The following ASB5 variants were observed in gnomAD, a reference collection of about 807,000 sequenced individuals.
ASB5 encodes ankyrin repeat and SOCS box protein 5.
In ASB5, 45 loss-of-function variants were observed where a neutral mutation model predicts 42.1. The observed-to-expected ratio is 1.07, with a 90% CI of 0.84 to 1.37. ASB5 has a LOEUF of 1.37. ASB5 is among the 40% of genes most tolerant of loss of function. The pLI, the probability that ASB5 is intolerant of heterozygous loss-of-function variation, is 0.00. For missense variants in ASB5, 402 were observed against 399.8 expected (o/e 1.01, Z -0.05); for synonymous variants, 147 against 150.6 (o/e 0.98, Z 0.18).
intron 5 of ASB5, among the ~76,000 whole-genome samples, chr4:176,218,560 TTTGTATGATATATAA>T (rs1753059145): frequency 9.1e-6 from 1 of 109,758 alleles, no homozygotes; most frequent in Non-Finnish European, 1.7e-5. Context: ...GATATATATA[TTTGTATGATATATAA>T]ATATATATAT....
intron 1 of ASB5, among the ~76,000 whole-genome samples, chr4:176,236,148 A>T (rs763051537): frequency 1.3e-5 from 2 of 150,566 alleles, no homozygotes; most frequent in Admixed American, 6.7e-5. Context: ...AGACTCATCC[A>T]GGTGAATTAG....
intron 4 of ASB5, 38 bp downstream of exon 4, chr4:176,221,412 C>T (rs761951702): frequency 6.2e-7 from 1 of 1,605,074 alleles, no homozygotes; most frequent in East Asian, 2.2e-5. Flanking sequence ...GCTAAAGAAA[C>T]TTTCTTCCCT....
rs369188268 is a variant in ASB5, at chr4:176,251,288, C to T, written c.196+17625G>A. On this transcript the variant is annotated intron_variant, in intron 1 of 6. Transcript: ENST00000296525. ...TCTTAAGAGCAGAAAGCAGGCCGGG[C>T]GCGGTGGCTCACGCCTGTAATCCCA... Among the ~76,000 whole-genome samples, 2 of 16,486 alleles carry T rather than the reference C, an allele frequency of 1.2e-4. 1 individual carries two copies. Among genetic ancestry groups the T allele is most frequent in the East Asian group, 1.4e-3 (2 of 1,416 alleles). The allele number at this position is 16,486 out of a possible 152,430, so 10.8% of individuals were successfully genotyped here.
At chr4:176,269,792 G>A (rs1381902420), upstream of ASB5, among the ~76,000 whole-genome samples, 1 of 152,136 alleles carries the variant, frequency 6.6e-6, no homozygotes, top group East Asian at 1.9e-4. Flanking sequence ...CAAGTAGAAT[G>A]GTCCCTGCCA....
chr4:176,247,163 T>A (rs1171056595), intron 1 of ASB5, among the ~76,000 whole-genome samples: 1 of 152,114 alleles, frequency 6.6e-6, no homozygotes, highest in Admixed American at 6.5e-5. Context: ...CAGGAGACGA[T>A]AATAAAACAT....
upstream of ASB5, among the ~76,000 whole-genome samples, chr4:176,270,551 C>T (rs1417322955): frequency 1.3e-5 from 2 of 151,892 alleles, no homozygotes; most frequent in African/African-American, 4.8e-5. Flanking sequence ...ATAATTAGAT[C>T]TATATATTAG....
chr4:176,228,973 T>C (rs1753451548), intron 1 of ASB5, among the ~76,000 whole-genome samples: 1 of 152,104 alleles, frequency 6.6e-6, no homozygotes, highest in South Asian at 2.1e-4. Flanking sequence ...TTTAAGAAAA[T>C]ATGAAAATTA....
chr4:176,272,941 CT>C (rs60310080), upstream of ASB5, among the ~76,000 whole-genome samples: 21,320 of 110,802 alleles, frequency 0.19, 1,728 homozygotes, highest in East Asian at 0.29. Flanking sequence ...CTTCGATGAC[CT>C]TTTTTTTTTT....
intron 1 of ASB5, among the ~76,000 whole-genome samples, chr4:176,255,991 T>C (rs77193337): frequency 0.027 from 4,184 of 152,322 alleles, 251 homozygotes; most frequent in East Asian, 0.27. Context: ...TTAGCATTAT[T>C]CTTTAAAAGT....
intron 5 of ASB5, among the ~76,000 whole-genome samples, chr4:176,219,408 T>C (rs1340922058): frequency 1.2e-5 from 1 of 84,252 alleles, no homozygotes; most frequent in Non-Finnish European, 2.2e-5. Context: ...GTATGATATA[T>C]AAATATATAT....
At chr4:176,248,117 AT>A (rs1269041239) in intron 1 of ASB5, among the ~76,000 whole-genome samples, 1 of 152,064 alleles carries the variant, frequency 6.6e-6, no homozygotes, top group Non-Finnish European at 1.5e-5. Context: ...CATATTGGCA[AT>A]TTTTTATTTT....
At chr4:176,238,206 C>CAAAAAAA (rs3060874) in intron 1 of ASB5, among the ~76,000 whole-genome samples, 6 of 101,170 alleles carry the variant, frequency 5.9e-5, no homozygotes, top group Non-Finnish European at 9.7e-5. Context: ...GACTCCGTCT[C>CAAAAAAA]AAAAAAAAAA....
At chr4:176,262,663 G>A (rs1414984704) in intron 1 of ASB5, among the ~76,000 whole-genome samples, 2 of 152,108 alleles carry the variant, frequency 1.3e-5, no homozygotes, top group Non-Finnish European at 2.9e-5. Context: ...CCACTAAACT[G>A]TGTACACTGT....
At chr4:176,220,142 C>T (rs1391275777) in intron 5 of ASB5, among the ~76,000 whole-genome samples, 6 of 152,176 alleles carry the variant, frequency 3.9e-5, no homozygotes, top group Admixed American at 3.3e-4. Flanking sequence ...GCAGGTTGGA[C>T]AAGCTTGCTA....
chr4:176,242,931 C>G (rs917723440), intron 1 of ASB5, among the ~76,000 whole-genome samples: 1 of 152,118 alleles, frequency 6.6e-6, no homozygotes, highest in African/African-American at 2.4e-5. Context: ...CAGAGGTCAG[C>G]CAACTATGGC....
At position 176,268,902 on chromosome 4, in the gene ASB5, C is replaced by T. The variant is rs374139652; in HGVS notation, c.196+11G>A. 3.8e-6 allele frequency: 6 copies of T among 1,589,780 alleles called. No individual in the cohort carries two copies. The highest frequency in any genetic ancestry group is 5.1e-6 in the Non-Finnish European group (6 of 1,168,032). On this transcript the variant is annotated intron_variant, in intron 1 of 6. Coordinates refer to ENST00000296525, the MANE Select transcript of ASB5 (RefSeq NM_080874.4). ...TCCACTTGAAACAAGAGAGGATTAT[C>T]ATAAACATACCTTGTCCTTGGGTTA...
At chr4:176,271,528 GA>G (rs1353566664), upstream of ASB5, among the ~76,000 whole-genome samples, 7 of 152,146 alleles carry the variant, frequency 4.6e-5, no homozygotes, top group African/African-American at 1.7e-4. Context: ...AGGTCTAGTT[GA>G]TTAGCTCAGT....
rs755075938 is a variant in ASB5, at chr4:176,225,338, G to A, written c.200C>T (p.Ser67Phe). 3 of 1,612,350 alleles carry A rather than the reference G, an allele frequency of 1.9e-6. No homozygotes were observed. The highest frequency in any genetic ancestry group is 1.7e-6 in the Non-Finnish European group (2 of 1,179,560). The change falls in exon 2 of 7, where the codon TCC (serine) becomes TTC (phenylalanine). Residue 67 changes from serine (S) to phenylalanine (F), a missense_variant. Physicochemically the swap from Ser to Phe is radical, Grantham distance 155 (BLOSUM62 -2). Transcript: ENST00000296525. ...EFYGVTQGQG[S>F]WADRSPLHEA... ...ATGTAGTGGTGATCGATCTGCCCAG[G>A]AACCTGTCAAAAAAGAAAAAAAGAA... is the stretch of plus-strand genomic sequence containing the variant.
At chr4:176,262,847 T>G (rs1248688454) in intron 1 of ASB5, among the ~76,000 whole-genome samples, 1 of 152,154 alleles carries the variant, frequency 6.6e-6, no homozygotes, top group Non-Finnish European at 1.5e-5. Context: ...ATAAGAATAT[T>G]CCTAGGAAAA....
Sources: gnomAD v4.1 joint callset for allele counts (sites outside exome capture counted in the v4.1 genomes callset) on GRCh38, gnomAD v4.1.1 for gene constraint, MANE v1.5 for transcripts, NCBI Gene and HGNC (gene_info 2026-07-23, HGNC 2026-07-21) for gene names.